Variants in ZNF804A observed in about 807,000 individuals in gnomAD.
The protein encoded by ZNF804A is zinc finger protein 804A.
In ZNF804A, 2 loss-of-function variants were observed where a neutral mutation model predicts 16.5. The observed-to-expected ratio is 0.12, with a 90% CI of 0.05 to 0.38. ZNF804A has a LOEUF of 0.38. Ranked by LOEUF, ZNF804A falls within the 10% of genes least tolerant of loss-of-function variation. The pLI, the probability that ZNF804A is intolerant of heterozygous loss-of-function variation, is 0.99. For missense variants in ZNF804A, 1,473 were observed against 1,390.7 expected (o/e 1.06, Z -0.94); for synonymous variants, 534 against 489.6 (o/e 1.09, Z -1.20).
intron 1 of ZNF804A, among the ~76,000 whole-genome samples, chr2:184,809,957 T>C (rs1694866768): frequency 6.6e-6 from 1 of 152,094 alleles, no homozygotes; most frequent in African/African-American, 2.4e-5. Flanking sequence ...TGAATTCAAA[T>C]AGCAAAAAGG....
rs150946675 is a variant in ZNF804A, at chr2:184,843,234, C to A, written c.112-23135C>A. Among the ~76,000 whole-genome samples the A allele has an allele frequency of 1.7e-3, 255 of 152,116 alleles. 10 individuals are homozygous for A. In the East Asian group the frequency reaches 0.036, roughly 22 times the overall value. On this transcript the variant is annotated intron_variant, in intron 1 of 3. Coordinates refer to ENST00000302277, the MANE Select transcript of ZNF804A (RefSeq NM_194250.2). The stretch of plus-strand genomic sequence containing the variant: ...TGCCCACTGCAAACTGCCATCAACA[C>A]TTTTTTTAAAGTTAAATTAAATTAC...
Position 184,829,917 on chromosome 2 carries a change from AAAAAACAAAAAC to A in ZNF804A, c.112-36446_112-36435del, listed in dbSNP as rs1558974918. On this transcript the variant is annotated intron_variant, in intron 1 of 3. Coordinates refer to ENST00000302277, the MANE Select transcript of ZNF804A (RefSeq NM_194250.2). The stretch of plus-strand genomic sequence containing the variant: ...TCTCTACCAAAAAAAAAAAAAAAAA[AAAAAACAAAAAC>A]AAAAAAAAAAAAACCACACACACAC... Among the ~76,000 whole-genome samples, 69 of 106,378 alleles carry A rather than the reference AAAAAACAAAAAC, an allele frequency of 6.5e-4. 4 individuals carry two copies. Among genetic ancestry groups the A allele is most frequent in the African/African-American group, 3.1e-3 (53 of 16,886 alleles). 69.8% of individuals were successfully genotyped at this position (106,378 alleles called of 152,430 possible). A position where few individuals can be genotyped will look rare whatever the true frequency, so the allele number is the denominator to read the frequency against.
At chr2:184,850,166 A>T (rs561365435) in intron 1 of ZNF804A, among the ~76,000 whole-genome samples, 1 of 151,944 alleles carries the variant, frequency 6.6e-6, no homozygotes, top group African/African-American at 2.4e-5. Flanking sequence ...GCACAACAGG[A>T]TGACTACAGC....
chr2:184,761,419 C>T lies in ZNF804A; in HGVS notation c.112-104950C>T, dbSNP rs572374582. Among the ~76,000 whole-genome samples, 39 of 152,168 alleles carry T rather than the reference C, an allele frequency of 2.6e-4. 1 individual carries two copies. The highest frequency in any genetic ancestry group is 9.1e-4 in the African/African-American group (38 of 41,544). ...TAAGGCTCAAACTTGAAGCTTACAG[C>T]TCTAAGAACTCTTTTGAGGCATATG... On this transcript the variant is annotated intron_variant, in intron 1 of 3. Coordinates refer to ENST00000302277, the MANE Select transcript of ZNF804A (RefSeq NM_194250.2).
chr2:184,762,338 A>G (rs1431062641), intron 1 of ZNF804A, among the ~76,000 whole-genome samples: 2 of 151,890 alleles, frequency 1.3e-5, no homozygotes, highest in Middle Eastern at 3.2e-3. Flanking sequence ...AATATTTGTT[A>G]TAATCAGGTA....
chr2:184,823,588 T>C (rs1315472954), intron 1 of ZNF804A, among the ~76,000 whole-genome samples: 2 of 152,172 alleles, frequency 1.3e-5, no homozygotes, highest in African/African-American at 4.8e-5. Context: ...GTCAAAATTG[T>C]CTACAACAAA....
At chr2:184,609,932 G>A (rs1574129987) in intron 1 of ZNF804A, among the ~76,000 whole-genome samples, 2 of 152,308 alleles carry the variant, frequency 1.3e-5, no homozygotes, top group Middle Eastern at 3.4e-3. Context: ...ATGTCCCCCA[G>A]AAGCTCATGT....
intron 1 of ZNF804A, among the ~76,000 whole-genome samples, chr2:184,691,558 T>G (rs186706986): frequency 6.6e-6 from 1 of 151,766 alleles, no homozygotes; most frequent in East Asian, 1.9e-4. Flanking sequence ...TAAATAGACA[T>G]CAGCACAAAC....
intron 1 of ZNF804A, among the ~76,000 whole-genome samples, chr2:184,719,488 C>T (rs986469928): frequency 2.6e-5 from 4 of 152,108 alleles, no homozygotes; most frequent in African/African-American, 4.8e-5. Context: ...TGCAAATTTT[C>T]GGAACTTTTA....
At chr2:184,913,937 G>A (rs1438927077) in intron 2 of ZNF804A, among the ~76,000 whole-genome samples, 3 of 152,048 alleles carry the variant, frequency 2.0e-5, no homozygotes, top group South Asian at 2.1e-4. Context: ...GATTGTTTCC[G>A]TTCAGATTCC....
At chr2:184,872,155 A>T (rs1211605663) in intron 2 of ZNF804A, among the ~76,000 whole-genome samples, 1 of 152,194 alleles carries the variant, frequency 6.6e-6, no homozygotes, top group African/African-American at 2.4e-5. Context: ...TTTAGTAAAT[A>T]TATATGAAAA....
intron 1 of ZNF804A, among the ~76,000 whole-genome samples, chr2:184,830,108 ACC>A (rs1275961621): frequency 2.3e-4 from 28 of 119,244 alleles, no homozygotes; most frequent in Admixed American, 1.3e-3. Context: ...CAACACACCC[ACC>A]CACACACACA....
chr2:184,702,229 CATTTCCTT>C (rs1416844163), intron 1 of ZNF804A, among the ~76,000 whole-genome samples: 1 of 151,966 alleles, frequency 6.6e-6, no homozygotes, highest in Non-Finnish European at 1.5e-5. Flanking sequence ...TATCTATGAT[CATTTCCTT>C]CAATAATCTG....
At chr2:184,769,932 A>G (rs10194277) in intron 1 of ZNF804A, among the ~76,000 whole-genome samples, 21,804 of 152,088 alleles carry the variant, frequency 0.14, 1,695 homozygotes, top group Middle Eastern at 0.24. Context: ...CTGTTATTGC[A>G]AAACTAGAGA....
At chr2:184,887,884 T>C (rs1219281869) in intron 2 of ZNF804A, among the ~76,000 whole-genome samples, 1 of 152,018 alleles carries the variant, frequency 6.6e-6, no homozygotes, top group Non-Finnish European at 1.5e-5. Context: ...GAAAACCAAA[T>C]ACCACATGAA....
chr2:184,674,705 A>C (rs948543525), intron 1 of ZNF804A, among the ~76,000 whole-genome samples: 1 of 151,856 alleles, frequency 6.6e-6, no homozygotes, highest in Non-Finnish European at 1.5e-5. Context: ...TGTTGATTCA[A>C]CTTAAAAATT....
At chr2:184,710,851 G>A (rs1472694494) in intron 1 of ZNF804A, among the ~76,000 whole-genome samples, 3 of 151,698 alleles carry the variant, frequency 2.0e-5, no homozygotes, top group African/African-American at 7.3e-5. Flanking sequence ...TCTTTGTTAA[G>A]GCTGAATAGT....
intron 1 of ZNF804A, among the ~76,000 whole-genome samples, chr2:184,748,876 G>T (rs1394239696): frequency 1.3e-5 from 2 of 151,356 alleles, no homozygotes; most frequent in East Asian, 3.9e-4. Context: ...TGTTGAACTT[G>T]TTGAATATCA....
intron 1 of ZNF804A, among the ~76,000 whole-genome samples, chr2:184,601,217 G>C (rs1691039018): frequency 6.6e-6 from 1 of 152,000 alleles, no homozygotes; most frequent in African/African-American, 2.4e-5. Flanking sequence ...GCCTTCTCAT[G>C]AGTATTATTA....
Sources: gnomAD v4.1 joint callset for allele counts (sites outside exome capture counted in the v4.1 genomes callset) on GRCh38, gnomAD v4.1.1 for gene constraint, MANE v1.5 for transcripts, NCBI Gene and HGNC (gene_info 2026-07-23, HGNC 2026-07-21) for gene names.